HIVEP1: variants seen among roughly 807,000 people sequenced by gnomAD.
The protein encoded by HIVEP1 is HIVEP zinc finger 1.
HIVEP1 carries 36 observed loss-of-function variants against 180.0 expected under a neutral mutation model. The ratio of observed to expected loss-of-function variants is 0.20; its 90% CI spans 0.15 to 0.26. HIVEP1 has a LOEUF of 0.26. Among genes scored for constraint, HIVEP1 ranks in the 10% least tolerant of loss-of-function variants. The probability of loss-of-function intolerance (pLI) is 1.00; values close to 1 mark genes in which losing one functional copy is unlikely to be tolerated. For missense variants in HIVEP1, 3,143 were observed against 3,268.7 expected (o/e 0.96, Z 0.94); for synonymous variants, 1,239 against 1,239.0 (o/e 1.00, Z 0.00).
intron 2 of HIVEP1, among the ~76,000 whole-genome samples, chr6:12,032,984 A>G (rs1236280628): frequency 6.6e-6 from 1 of 152,186 alleles, no homozygotes; most frequent in African/African-American, 2.4e-5. Flanking sequence ...TGATGATGAA[A>G]CTTCACTGTT....
chr6:12,063,213 A>T lies in HIVEP1; in HGVS notation c.41-25971A>T, dbSNP rs937491242. 6.6e-6 allele frequency among the ~76,000 whole-genome samples: 1 copy of T among 152,202 alleles called. No homozygotes were observed. Among genetic ancestry groups the T allele is most frequent in the East Asian group, 1.9e-4 (1 of 5,202 alleles). On this transcript the variant is annotated intron_variant, in intron 2 of 8. Coordinates refer to ENST00000379388, the MANE Select transcript of HIVEP1 (RefSeq NM_002114.4). This position sits in a 1 kb window ranked among gnomAD's most constrained non-coding sequence, Gnocchi z 4.2. ...TAAAATATTTATTGATTTCTAGCAGAGTTTTTCAACCTCAGCTCCATTTAT... is the reference window on the plus strand; with the variant it reads ...TAAAATATTTATTGATTTCTAGCAGTGTTTTTCAACCTCAGCTCCATTTAT...
chr6:12,017,719 C>G lies in HIVEP1; in HGVS notation c.40+2051C>G, dbSNP rs138896366. Among the ~76,000 whole-genome samples the G allele has an allele frequency of 5.9e-5, 9 of 152,286 alleles. No homozygotes were observed. In the South Asian group the frequency reaches 1.0e-3, roughly 18 times the overall value. ...CTAGACACAAAAGTTCTCCAGGTCC[C>G]CACTAGATTAGCTAGATACAGAGTG... On this transcript the variant is annotated intron_variant, in intron 2 of 8. Coordinates refer to ENST00000379388, the MANE Select transcript of HIVEP1 (RefSeq NM_002114.4).
intron 2 of HIVEP1, among the ~76,000 whole-genome samples, chr6:12,042,303 C>A (rs6906944): frequency 1.4e-5 from 2 of 145,668 alleles, no homozygotes; most frequent in Middle Eastern, 3.4e-3. Context: ...GGATGGTCTC[C>A]ATCTCCTGAC....
chr6:12,043,027 A>C (rs980658697), intron 2 of HIVEP1, among the ~76,000 whole-genome samples: 1 of 152,244 alleles, frequency 6.6e-6, no homozygotes, highest in East Asian at 1.9e-4. Context: ...CTTTTCTCGC[A>C]GAATTGCCAT....
At chr6:12,150,959 T>A (rs940399949) in intron 7 of HIVEP1, among the ~76,000 whole-genome samples, 3 of 152,196 alleles carry the variant, frequency 2.0e-5, no homozygotes, top group Admixed American at 1.3e-4. Context: ...GTTGCTACCC[T>A]CGGGAGCCCC....
At chr6:12,167,680 G>GCATAATATATATACATATATACATATA (rs1386391742), downstream of HIVEP1, among the ~76,000 whole-genome samples, 37 of 18,768 alleles carry the variant, frequency 2.0e-3, 2 homozygotes, top group Non-Finnish European at 3.5e-3. Context: ...ATACATATAT[G>GCATAATATATATACATATATACATATA]TGTATAATAT....
intron 7 of HIVEP1, among the ~76,000 whole-genome samples, chr6:12,142,905 C>CA (rs1193359546): frequency 6.6e-6 from 1 of 151,886 alleles, no homozygotes; most frequent in African/African-American, 2.4e-5. Context: ...GGCTACCAAC[C>CA]AAAAAAAGTC....
intron 3 of HIVEP1, among the ~76,000 whole-genome samples, chr6:12,095,858 G>T (rs758855133): frequency 6.6e-6 from 1 of 151,924 alleles, no homozygotes; most frequent in African/African-American, 2.4e-5. Flanking sequence ...AACTAGATAA[G>T]ATCTGTGTTA....
chr6:12,085,043 TTTTTTCTC>T (rs1773031279), intron 2 of HIVEP1, among the ~76,000 whole-genome samples: 1 of 152,146 alleles, frequency 6.6e-6, no homozygotes, highest in Non-Finnish European at 1.5e-5. Flanking sequence ...GTGTAGGTGC[TTTTTTCTC>T]TTTTTCTCTT....
intron 1 of HIVEP1, among the ~76,000 whole-genome samples, chr6:12,015,058 A>G (rs1208037973): frequency 6.6e-6 from 1 of 152,244 alleles, no homozygotes; most frequent in Non-Finnish European, 1.5e-5. Flanking sequence ...TGGGAAACAC[A>G]GGGAAGCAGA....
In HIVEP1 at chr6:12,129,864, C is replaced by G; in HGVS notation, c.6181C>G (p.Pro2061Ala). 6.4e-7 allele frequency: 1 copy of G among 1,567,792 alleles called. No homozygotes were observed. Residue 2061 changes from proline to alanine, a missense_variant, in exon 5 of 9, where the codon CCA (proline) becomes GCA (alanine). Physicochemically the swap from Pro to Ala is conservative, Grantham distance 27. Coordinates refer to ENST00000379388, the MANE Select transcript of HIVEP1 (RefSeq NM_002114.4). ...AGAAAATTCCTTAATCAAAAGTGAA[C>G]CAAGAAGAATTAAAATATTTGATGG... ...DKENSLIKSE[P>A]RRIKIFDGGY...
chr6:12,109,762 C>T (rs1479987693), intron 3 of HIVEP1, among the ~76,000 whole-genome samples: 2 of 152,182 alleles, frequency 1.3e-5, no homozygotes, highest in Non-Finnish European at 2.9e-5. Context: ...GCCATTTTGA[C>T]CTCCTCTCAT....
At chr6:12,042,967 C>T (rs114555593) in intron 2 of HIVEP1, among the ~76,000 whole-genome samples, 3,029 of 152,178 alleles carry the variant, frequency 0.02, 46 homozygotes, top group Non-Finnish European at 0.034. Context: ...GTCCATTTTT[C>T]CCCCTACAAA....
intron 2 of HIVEP1, among the ~76,000 whole-genome samples, chr6:12,078,641 A>T (rs1029534497): frequency 6.6e-6 from 1 of 151,122 alleles, no homozygotes; most frequent in African/African-American, 2.4e-5. Context: ...ATATACACAC[A>T]CACACACACA....
At chr6:12,095,005 T>C (rs1773705107) in intron 3 of HIVEP1, among the ~76,000 whole-genome samples, 1 of 152,040 alleles carries the variant, frequency 6.6e-6, no homozygotes, top group South Asian at 2.1e-4. Flanking sequence ...GTATTTTTCT[T>C]ATAATTTATC....
chr6:12,035,757 A>G (rs2113657916), intron 2 of HIVEP1, among the ~76,000 whole-genome samples: 1 of 152,340 alleles, frequency 6.6e-6, no homozygotes, highest in African/African-American at 2.4e-5. Context: ...TTTCGAGTAG[A>G]TATGTAGAAA....
At position 12,122,910 on chromosome 6, in the gene HIVEP1, G is replaced by C. The variant is rs765779452; in HGVS notation, c.3115G>C (p.Asp1039His). 1.2e-6 allele frequency: 2 copies of C among 1,614,040 alleles called. No homozygotes were observed. Among genetic ancestry groups the C allele is most frequent in the South Asian group, 2.2e-5 (2 of 91,070 alleles). ...AAGGAGGAAAATGAAAAGTGTTGGGGATGATGAAGAACTTCAGCAAAATGA... is the reference window on the plus strand; with the variant it reads ...AAGGAGGAAAATGAAAAGTGTTGGGCATGATGAAGAACTTCAGCAAAATGA... ...RKRRKMKSVG[D>H]DEELQQNESG... Residue 1039 changes from aspartate to histidine, a missense_variant, in exon 4 of 9, where the codon GAT becomes CAT. Coordinates refer to ENST00000379388, the MANE Select transcript of HIVEP1 (RefSeq NM_002114.4).
chr6:12,094,278 A>T (rs1373737283), intron 3 of HIVEP1, among the ~76,000 whole-genome samples: 1 of 151,956 alleles, frequency 6.6e-6, no homozygotes. Flanking sequence ...TTGTCATATC[A>T]GCTGGGAATA....
chr6:12,211,517 T>C, the HIVEP1 span, among the ~76,000 whole-genome samples: 1 of 150,382 alleles, frequency 6.6e-6, no homozygotes, highest in African/African-American at 2.5e-5. Flanking sequence ...AACATAAACA[T>C]AGATATTTAT....
Sources: allele counts gnomAD v4.1 joint callset (sites outside exome capture counted in the v4.1 genomes callset), GRCh38; gene constraint gnomAD v4.1.1; non-coding constraint Gnocchi (gnomAD v3.1); transcripts MANE v1.5; gene names NCBI Gene and HGNC (gene_info 2026-07-23, HGNC 2026-07-21).